The following C12orf42 variants were observed in gnomAD, a reference collection of about 807,000 sequenced individuals.
C12orf42 encodes chromosome 12 open reading frame 42.
In C12orf42, 25 loss-of-function variants were observed where a neutral mutation model predicts 21.6. The ratio of observed to expected loss-of-function variants is 1.16; its 90% CI spans 0.84 to 1.62. The LOEUF is 1.62. Ranked by LOEUF, C12orf42 falls within the 40% of genes most tolerant of loss-of-function variation. The probability of loss-of-function intolerance (pLI) is 0.00; values close to 1 mark genes in which losing one functional copy is unlikely to be tolerated. For missense variants in C12orf42, 483 were observed against 459.3 expected, an observed-to-expected ratio of 1.05 and a Z score of -0.47; for synonymous variants, 174 against 175.0, an observed-to-expected ratio of 0.99 and a Z score of 0.05.
At position 103,375,651 on chromosome 12, in the gene C12orf42, A is replaced by T. The variant is rs143465220; in HGVS notation, c.148-6653T>A. ...GTTCAGCTTGTAGGTTCAGATTGTCATTCGTGTATTGCTATTACCCCATTA... is the reference window on the plus strand; with the variant it reads ...GTTCAGCTTGTAGGTTCAGATTGTCTTTCGTGTATTGCTATTACCCCATTA... On this transcript the variant is annotated intron_variant, in intron 3 of 5. Transcript: ENST00000548883. Among the ~76,000 whole-genome samples the T allele has an allele frequency of 2.3e-3, 352 of 152,320 alleles. 2 individuals are homozygous for T. Among genetic ancestry groups the T allele is most frequent in the African/African-American group, 7.7e-3 (319 of 41,578 alleles).
chr12:103,430,410 G>T (rs1046928725), intron 2 of C12orf42, among the ~76,000 whole-genome samples: 2 of 152,156 alleles, frequency 1.3e-5, no homozygotes, highest in African/African-American at 4.8e-5. Context: ...AAACCACAAT[G>T]AGATACCATC....
At chr12:103,323,832 A>G (rs1031744425) in intron 4 of C12orf42, among the ~76,000 whole-genome samples, 2 of 152,236 alleles carry the variant, frequency 1.3e-5, no homozygotes, top group Non-Finnish European at 2.9e-5. Context: ...ATTAAAAAGA[A>G]ATACTCCCTT....
the C12orf42 span, among the ~76,000 whole-genome samples, chr12:103,549,152 T>G: frequency 3.9e-5 from 6 of 152,254 alleles, no homozygotes; most frequent in African/African-American, 1.4e-4. Context: ...TCTATGAAGA[T>G]CTATAAGGTC....
At chr12:103,370,575 T>C (rs1024243692) in intron 3 of C12orf42, among the ~76,000 whole-genome samples, 1 of 152,172 alleles carries the variant, frequency 6.6e-6, no homozygotes, top group African/African-American at 2.4e-5. Flanking sequence ...TCATGTTTTT[T>C]GCACCAATAT....
the C12orf42 span, among the ~76,000 whole-genome samples, chr12:103,174,168 C>T: frequency 6.6e-6 from 1 of 152,158 alleles, no homozygotes; most frequent in African/African-American, 2.4e-5. Context: ...CTATAACAAT[C>T]CTATTAAGTC....
chr12:103,209,851 A>C, the C12orf42 span, among the ~76,000 whole-genome samples: 1 of 152,152 alleles, frequency 6.6e-6, no homozygotes, highest in African/African-American at 2.4e-5. Context: ...TGTTTTCTCC[A>C]TGTTGATTTT....
At chr12:103,552,319 G>A in the C12orf42 span, among the ~76,000 whole-genome samples, 3 of 152,160 alleles carry the variant, frequency 2.0e-5, no homozygotes, top group South Asian at 6.2e-4. Context: ...GTTAGTCAGA[G>A]AGCATTGAAA....
chr12:103,247,064 G>A (rs1042402893), intron 10 of C12orf42, among the ~76,000 whole-genome samples: 14 of 151,380 alleles, frequency 9.2e-5, no homozygotes, highest in African/African-American at 3.2e-4. Context: ...AAAGTTTCAT[G>A]ATTTTTAAAA....
chr12:103,263,307 TAAAA>T (rs1257319716), intron 10 of C12orf42: 2 of 151,342 alleles, frequency 1.3e-5, no homozygotes, highest in Non-Finnish European at 2.9e-5. Context: ...TAATAAAAAA[TAAAA>T]ATAAAAAAGA....
rs577953365 is a variant in C12orf42, at chr12:103,249,944, A to C, written c.*1367-12042T>G. Among the ~76,000 whole-genome samples, 17 of 152,186 alleles carry C rather than the reference A, an allele frequency of 1.1e-4. 1 individual carries two copies. The highest frequency in any genetic ancestry group is 1.9e-4 in the Non-Finnish European group (13 of 67,996). On this transcript the variant is annotated intron_variant and NMD_transcript_variant, in intron 10 of 10. Transcript: ENST00000547347. The stretch of plus-strand genomic sequence containing the variant: ...AAAGAAAGTCCTGTTTTTCCCACTA[A>C]GGTTTTTGTTCAAGTTATGACAATA...
At chr12:103,263,122 G>T (rs1324763326) in intron 10 of C12orf42, among the ~76,000 whole-genome samples, 3 of 151,920 alleles carry the variant, frequency 2.0e-5, no homozygotes, top group Non-Finnish European at 4.4e-5. Flanking sequence ...TGGACACGGT[G>T]GGGGAATATC....
chr12:103,132,178 T>C, the C12orf42 span, among the ~76,000 whole-genome samples: 1 of 152,136 alleles, frequency 6.6e-6, no homozygotes, highest in Non-Finnish European at 1.5e-5. Flanking sequence ...GCACCTGCCC[T>C]ACAAATAAGA....
chr12:103,163,922 C>T, the C12orf42 span, among the ~76,000 whole-genome samples: 1 of 152,150 alleles, frequency 6.6e-6, no homozygotes, highest in Non-Finnish European at 1.5e-5. Flanking sequence ...GGGAAAAAGG[C>T]TCAGAGAGGT....
At chr12:103,196,440 T>A in the C12orf42 span, among the ~76,000 whole-genome samples, 1 of 152,198 alleles carries the variant, frequency 6.6e-6, no homozygotes, top group East Asian at 1.9e-4. Context: ...TCTGTAGATA[T>A]CTATTAGGTC....
the C12orf42 span, among the ~76,000 whole-genome samples, chr12:103,227,438 G>A: frequency 6.6e-6 from 1 of 151,826 alleles, no homozygotes; most frequent in Non-Finnish European, 1.5e-5. Context: ...GAGATAAGAG[G>A]TTGGGGTGCG....
intron 3 of C12orf42, among the ~76,000 whole-genome samples, chr12:103,390,831 A>C (rs1385118414): frequency 6.6e-6 from 1 of 152,202 alleles, no homozygotes. Context: ...TGTTCTATGT[A>C]GGCTCATACA....
chr12:103,320,682 T>A (rs1221436574), intron 4 of C12orf42, among the ~76,000 whole-genome samples: 2 of 152,208 alleles, frequency 1.3e-5, no homozygotes, highest in Non-Finnish European at 2.9e-5. Flanking sequence ...GGGGTTCTGG[T>A]TATTAAATAT....
intron 3 of C12orf42, among the ~76,000 whole-genome samples, chr12:103,384,009 TG>T (rs1263206650): frequency 8.7e-4 from 133 of 152,250 alleles, no homozygotes; most frequent in African/African-American, 3.1e-3. Context: ...CCCAGAGCAG[TG>T]GTTACAGGGA....
chr12:103,070,573 G>A, the C12orf42 span, among the ~76,000 whole-genome samples: 7 of 151,634 alleles, frequency 4.6e-5, no homozygotes, highest in African/African-American at 1.5e-4. Flanking sequence ...CACTGATTTA[G>A]TAGGAGTGTC....
Sources: gnomAD v4.1 joint callset for allele counts (sites outside exome capture counted in the v4.1 genomes callset) on GRCh38, gnomAD v4.1.1 for gene constraint, MANE v1.5 for transcripts, NCBI Gene and HGNC (gene_info 2026-07-23, HGNC 2026-07-21) for gene names.